Variants in TAMALIN observed in about 807,000 individuals in gnomAD.
TAMALIN encodes protein TAMALIN.
In TAMALIN, 9 loss-of-function variants were observed where a neutral mutation model predicts 38.5. The observed-to-expected ratio is 0.23, with a 90% CI of 0.14 to 0.41. The LOEUF is 0.41. TAMALIN is among the 10% of genes least tolerant of loss of function. The pLI is 1.00. For synonymous variants in TAMALIN, 306 were observed against 256.5 expected, an observed-to-expected ratio of 1.19 and a Z score of -1.85; for missense variants, 548 against 554.1, an observed-to-expected ratio of 0.99 and a Z score of 0.11.
At chr12:52,013,543 G>A (rs1937709976) in intron 4 of TAMALIN, 144 bp from the exon 5 acceptor site, 1 of 666,040 alleles carries the variant, frequency 1.5e-6, no homozygotes, top group South Asian at 1.7e-5. Context: ...GAGATCTACA[G>A]AGAACCATGA....
Position 52,014,896 on chromosome 12 carries a change from G to T in TAMALIN, c.885G>T (p.Pro295=). ...CGTGCTTCTTCGGGGACTCCGAGCCGCCGGCGCTGCCGCCCCCGCCGCCCC... is the reference window on the plus strand; with the variant it reads ...CGTGCTTCTTCGGGGACTCCGAGCCTCCGGCGCTGCCGCCCCCGCCGCCCC... The part of the protein sequence containing the change: ...YHTCFFGDSE[P]PALPPPPPPA... The change falls in exon 8 of 8, where the codon CCG becomes CCT. Residue 295 remains proline, a synonymous_variant. Coordinates refer to ENST00000293662, the MANE Select transcript of TAMALIN (RefSeq NM_181711.4). 8.4e-7 allele frequency: 1 copy of T among 1,194,562 alleles called. No homozygotes were observed. The highest frequency in any genetic ancestry group is 1.0e-6 in the Non-Finnish European group (1 of 954,570). The allele number at this position is 1,194,562 out of a possible 1,614,324, so 74.0% of individuals were successfully genotyped here.
In TAMALIN at chr12:52,007,135, C is replaced by T. The variant is rs1942425578; in HGVS notation, c.116C>T (p.Pro39Leu). The T allele has an allele frequency of 1.3e-6, 2 of 1,487,418 alleles. No homozygotes were observed. Among genetic ancestry groups the T allele is most frequent in the African/African-American group, 1.5e-5 (1 of 68,432 alleles). 92.1% of individuals were successfully genotyped at this position (1,487,418 alleles called of 1,614,324 possible). The change falls in exon 1 of 8, where the codon CCG (proline) becomes CTG (leucine). Residue 39 changes from proline to leucine, a missense_variant. Pro to Leu is a moderately conservative substitution (Grantham distance 98, BLOSUM62 -3). Around this residue, in one of 3 missense-constraint regions of TAMALIN, gnomAD observed 128 missense variants for 117.9 expected, o/e 1.09. Coordinates refer to ENST00000293662, the MANE Select transcript of TAMALIN (RefSeq NM_181711.4). This position sits in a 1 kb window ranked among gnomAD's most constrained non-coding sequence, Gnocchi z 6.7. ...EVAPAAPVPT[P>L]GPPAAAATPG... ...GCGCCCGCCGCTCCGGTCCCGACCC[C>T]GGGACCCCCTGCCGCAGCCGCCACC...
At position 52,007,693 on chromosome 12, in the gene TAMALIN, C is replaced by T. The variant is rs550451501; in HGVS notation, c.246+428C>T. The stretch of plus-strand genomic sequence containing the variant: ...GGGAGAAGCGGGCCGGTGGCTGCGC[C>T]GCGTGCGTTCTCACTCTGAGGAAGT... On this transcript the variant is annotated intron_variant, in intron 1 of 7. Transcript: ENST00000293662. The surrounding 1 kb of genome is among the most constrained non-coding windows in gnomAD (Gnocchi z 6.7). 7 of 985,288 alleles carry T rather than the reference C, an allele frequency of 7.1e-6. No homozygotes were observed. Among genetic ancestry groups the T allele is most frequent in the Non-Finnish European group, 8.4e-6 (7 of 829,928 alleles). 61.0% of individuals were successfully genotyped at this position (985,288 alleles called of 1,614,324 possible).
chr12:52,010,610 A>G (rs1471385825), intron 2 of TAMALIN: 3 of 1,203,128 alleles, frequency 2.5e-6, no homozygotes, highest in Non-Finnish European at 3.2e-6. Flanking sequence ...GGGGCTAAAA[A>G]ACTCAGCCGG....
intron 2 of TAMALIN, chr12:52,010,361 T>G (rs905696026): frequency 2.4e-4 from 54 of 229,758 alleles, no homozygotes; most frequent in Non-Finnish European, 1.9e-4. Flanking sequence ...GGGCAGGCCT[T>G]CAGTGCGGGA....
Position 52,013,887 on chromosome 12 carries a change from C to T in TAMALIN, c.559C>T (p.Leu187=). 6.2e-7 allele frequency: 1 copy of T among 1,614,128 alleles called. No individual in the cohort carries two copies. Among genetic ancestry groups the T allele is most frequent in the Non-Finnish European group, 8.5e-7 (1 of 1,180,014 alleles). ...ASGNVLRLET[L]YGTSIRKAEL... ...ATTCTCCAACCTCAGACTGGAAACT[C>T]TATATGGGACATCAATTCGGAAGGC... Residue 187 remains leucine (L), a synonymous_variant, in exon 6 of 8, where the codon CTA becomes TTA. Transcript: ENST00000293662.
chr12:52,010,532 C>T, intron 2 of TAMALIN: 2 of 1,136,912 alleles, frequency 1.8e-6, no homozygotes, highest in Non-Finnish European at 2.2e-6. Flanking sequence ...AGGCTCCAGG[C>T]TGTGGCTGAA....
rs1328750447 is a variant in TAMALIN at position 52,014,808 on chromosome 12, C to A, written c.797C>A (p.Pro266His). Residue 266 changes from proline (P) to histidine (H), a missense_variant, in exon 8 of 8, where the codon CCC becomes CAC. Pro to His is a moderately conservative substitution (Grantham distance 77). Around this residue, in one of 3 missense-constraint regions of TAMALIN, gnomAD observed 415 missense variants for 417.0 expected, o/e 1.00. Coordinates refer to ENST00000293662, the MANE Select transcript of TAMALIN (RefSeq NM_181711.4). ...CCCTTCGGGCCTCTGCTCGCCGTGC[C>A]CGGGCGTCCCCGCGGAGGCGCCCGA... ...SLPFGPLLAV[P>H]GRPRGGARRA... The A allele has an allele frequency of 7.3e-7, 1 of 1,366,866 alleles. No individual in the cohort carries two copies. Among genetic ancestry groups the A allele is most frequent in the Non-Finnish European group, 9.4e-7 (1 of 1,064,350 alleles). The allele number at this position is 1,366,866 out of a possible 1,614,324, so 84.7% of individuals were successfully genotyped here. A position where few individuals can be genotyped will look rare whatever the true frequency, so the allele number is the denominator to read the frequency against.
Position 52,015,333 on chromosome 12 carries a change from G to T in TAMALIN, c.*134G>T. ...GGTCCTTCCTAGCCTCGGCCCGCCGGGTCGGTTCCTGGCTGGTGTCTGCTG... is the reference window on the plus strand; with the variant it reads ...GGTCCTTCCTAGCCTCGGCCCGCCGTGTCGGTTCCTGGCTGGTGTCTGCTG... On this transcript the variant is annotated 3_prime_UTR_variant, in exon 8 of 8. Transcript: ENST00000293662. The T allele has an allele frequency of 8.8e-7, 1 of 1,134,472 alleles. No homozygotes were observed. Among genetic ancestry groups the T allele is most frequent in the Non-Finnish European group, 1.2e-6 (1 of 848,622 alleles). The allele number at this position is 1,134,472 out of a possible 1,614,324, so 70.3% of individuals were successfully genotyped here.
rs1425548635 is a variant in TAMALIN, at chr12:52,007,467, G to C, written c.246+202G>C. 2 of 984,810 alleles carry C rather than the reference G, an allele frequency of 2.0e-6. No homozygotes were observed. Among genetic ancestry groups the C allele is most frequent in the Admixed American group, 1.2e-4 (2 of 16,260 alleles). 61.0% of individuals were successfully genotyped at this position (984,810 alleles called of 1,614,324 possible). On this transcript the variant is annotated intron_variant, in intron 1 of 7. Transcript: ENST00000293662. The surrounding 1 kb of genome is among the most constrained non-coding windows in gnomAD (Gnocchi z 6.7). ...CTGCACACCGCGCCCAGGCTCGGTG[G>C]CTCTTAACTCCGCGCCCCATGCACG...
At position 52,014,148 on chromosome 12, in the gene TAMALIN, A is replaced by G; in HGVS notation, c.629A>G (p.Glu210Gly). The change falls in exon 7 of 8, where the codon GAG becomes GGG. Residue 210 changes from glutamate to glycine, a missense_variant. Transcript: ENST00000293662. ...RLQYLKQTLY[E>G]KWGEYRSLMV... ...TGTCTCTTGCAGCAAACCCTGTATG[A>G]GAAGTGGGGAGAGTACAGGTCCCTA... The G allele has an allele frequency of 6.2e-7, 1 of 1,604,216 alleles. No individual in the cohort carries two copies. The highest frequency in any genetic ancestry group is 8.5e-7 in the Non-Finnish European group (1 of 1,175,028).
intron 2 of TAMALIN, chr12:52,010,517 AGAG>A: frequency 8.9e-7 from 1 of 1,118,246 alleles, no homozygotes; most frequent in East Asian, 7.0e-5. Context: ...GCTGTGGAAC[AGAG>A]GAGGCTCCAG....
chr12:52,013,518 TGA>T, intron 4 of TAMALIN, 167 bp from the exon 5 acceptor site: 1 of 625,060 alleles, frequency 1.6e-6, no homozygotes, highest in Non-Finnish European at 2.9e-6. Flanking sequence ...GGATCGAGTA[TGA>T]GAGATGTCAG....
chr12:52,011,331 A>C lies in TAMALIN; in HGVS notation c.454+190A>C. 1 of 895,208 alleles carries C rather than the reference A, an allele frequency of 1.1e-6. No homozygotes were observed. Among genetic ancestry groups the C allele is most frequent in the Non-Finnish European group, 1.7e-6 (1 of 578,346 alleles). The allele number at this position is 895,208 out of a possible 1,614,324, so 55.5% of individuals were successfully genotyped here. A position where few individuals can be genotyped will look rare whatever the true frequency, so the allele number is the denominator to read the frequency against. On this transcript the variant is annotated intron_variant, in intron 4 of 7. Transcript: ENST00000293662. The surrounding 1 kb of genome is among the most constrained non-coding windows in gnomAD (Gnocchi z 5.3). ...TTTGCCATGTACTGTGTGATCTTGC[A>C]CAGCCCCATCTACAAAATGAGGGTA...
At position 52,007,869 on chromosome 12, in the gene TAMALIN, A is replaced by AG. The variant is rs1395032751; in HGVS notation, c.246+608dup. 1.0e-6 allele frequency: 1 copy of AG among 985,324 alleles called. No individual in the cohort carries two copies. The highest frequency in any genetic ancestry group is 1.2e-6 in the Non-Finnish European group (1 of 829,896). 61.0% of individuals were successfully genotyped at this position (985,324 alleles called of 1,614,324 possible). A position where few individuals can be genotyped will look rare whatever the true frequency, so the allele number is the denominator to read the frequency against. On this transcript the variant is annotated intron_variant, in intron 1 of 7. Transcript: ENST00000293662. This position sits in a 1 kb window ranked among gnomAD's most constrained non-coding sequence, Gnocchi z 6.7. ...TTCTGTCGGAACCGGACGCAGTGGGAGGGGTCGCAGGGCGCCCGCGGGGCA... is the reference window on the plus strand; with the variant it reads ...TTCTGTCGGAACCGGACGCAGTGGGAGGGGGTCGCAGGGCGCCCGCGGGGCA...
intron 1 of TAMALIN, chr12:52,008,563 T>C (rs1316065176): frequency 1.0e-6 from 1 of 985,288 alleles, no homozygotes; most frequent in Non-Finnish European, 1.2e-6. Flanking sequence ...GCTGGTCACC[T>C]GCAGCTGGGA....
Position 52,015,317 on chromosome 12 carries a change from T to G in TAMALIN, c.*118T>G. 1.6e-6 allele frequency: 2 copies of G among 1,221,586 alleles called. No homozygotes were observed. The highest frequency in any genetic ancestry group is 2.2e-6 in the Non-Finnish European group (2 of 930,024). The allele number at this position is 1,221,586 out of a possible 1,614,324, so 75.7% of individuals were successfully genotyped here. A position where few individuals can be genotyped will look rare whatever the true frequency, so the allele number is the denominator to read the frequency against. On this transcript the variant is annotated 3_prime_UTR_variant, in exon 8 of 8. Coordinates refer to ENST00000293662, the MANE Select transcript of TAMALIN (RefSeq NM_181711.4). ...CAGAGCAGCGGGAGAGGGTCCTTCC[T>G]AGCCTCGGCCCGCCGGGTCGGTTCC...
chr12:52,009,101 A>G, intron 1 of TAMALIN, 89 bp from the exon 2 acceptor site: 1 of 1,242,342 alleles, frequency 8.0e-7, no homozygotes, highest in Non-Finnish European at 1.2e-6. Flanking sequence ...GCAGACAGGA[A>G]GTGGGTCGCT....
chr12:52,013,101 G>A (rs1418367072), intron 4 of TAMALIN, among the ~76,000 whole-genome samples: 3 of 137,210 alleles, frequency 2.2e-5, no homozygotes, highest in African/African-American at 5.5e-5. Context: ...TTTTTGAGAC[G>A]GAGTCTCGCT....
Sources: allele counts gnomAD v4.1 joint callset (sites outside exome capture counted in the v4.1 genomes callset), GRCh38; gene constraint gnomAD v4.1.1; regional missense constraint gnomAD v4.1.1; non-coding constraint Gnocchi (gnomAD v3.1); transcripts MANE v1.5; gene names NCBI Gene and HGNC (gene_info 2026-07-23, HGNC 2026-07-21).